The following HECW1 variants were observed in gnomAD, a reference collection of about 807,000 sequenced individuals.
HECW1 encodes HECT, C2 and WW domain containing E3 ubiquitin protein ligase 1.
A neutral mutation model predicts 182.3 loss-of-function variants in HECW1; 61 were observed. The observed-to-expected ratio is 0.33, with a 90% confidence interval of 0.27 to 0.41. The LOEUF is 0.41. Among genes scored for constraint, HECW1 ranks in the 10% least tolerant of loss-of-function variants. The probability of loss-of-function intolerance (pLI) is 1.00; values close to 1 mark genes in which losing one functional copy is unlikely to be tolerated. For synonymous variants in HECW1, 859 were observed against 832.6 expected (o/e 1.03, Z -0.55); for missense variants, 1,739 against 2,108.9 (o/e 0.82, Z 3.44).
At chr7:43,177,894 T>C (rs1792417306) in intron 2 of HECW1, among the ~76,000 whole-genome samples, 1 of 152,206 alleles carries the variant, frequency 6.6e-6, no homozygotes, top group Non-Finnish European at 1.5e-5. Flanking sequence ...TGTCTCCCTC[T>C]TCTGAATACT....
chr7:43,487,415 C>G (rs1223102503), intron 17 of HECW1, among the ~76,000 whole-genome samples: 4 of 152,128 alleles, frequency 2.6e-5, no homozygotes, highest in Admixed American at 6.5e-5. Flanking sequence ...AAAAGAAATC[C>G]TAAAAGTAGT....
At chr7:43,376,043 CAT>C (rs919377281) in intron 6 of HECW1, among the ~76,000 whole-genome samples, 2 of 143,382 alleles carry the variant, frequency 1.4e-5, no homozygotes, top group Non-Finnish European at 3.0e-5. Context: ...TATATACACA[CAT>C]ATATATACAC....
chr7:43,122,869 T>C (rs147778979), intron 2 of HECW1, among the ~76,000 whole-genome samples: 3 of 152,232 alleles, frequency 2.0e-5, no homozygotes, highest in African/African-American at 7.2e-5. Context: ...CACATGCATA[T>C]AATTTTTAAA....
At chr7:43,384,154 C>T (rs2074674810) in intron 6 of HECW1, among the ~76,000 whole-genome samples, 1 of 152,184 alleles carries the variant, frequency 6.6e-6, no homozygotes, top group Non-Finnish European at 1.5e-5. Flanking sequence ...TCACACAGTT[C>T]AAACCCATGT....
intron 29 of HECW1, 65 bp from the exon 30 acceptor site, chr7:43,561,750 C>T: frequency 2.7e-6 from 3 of 1,124,776 alleles, no homozygotes; most frequent in Non-Finnish European, 2.7e-6. Flanking sequence ...TTCAGACAGT[C>T]ACAGATCCAG....
At chr7:43,453,321 G>A (rs73098717) in intron 12 of HECW1, among the ~76,000 whole-genome samples, 22,574 of 152,142 alleles carry the variant, frequency 0.15, 1,936 homozygotes, top group South Asian at 0.24. Context: ...ATATTTTAAA[G>A]GTAGATTTGA....
intron 2 of HECW1, among the ~76,000 whole-genome samples, chr7:43,163,689 T>C (rs1233915474): frequency 6.6e-6 from 1 of 152,040 alleles, no homozygotes; most frequent in African/African-American, 2.4e-5. Context: ...TCAACTAAGC[T>C]CCCCCAAATG....
chr7:43,152,927 C>T (rs929572273), intron 2 of HECW1, among the ~76,000 whole-genome samples: 4 of 152,198 alleles, frequency 2.6e-5, no homozygotes, highest in Non-Finnish European at 5.9e-5. Context: ...TAATGTCCGT[C>T]ACTCCTCTTC....
chr7:43,338,840 T>C (rs1812615188), intron 5 of HECW1, among the ~76,000 whole-genome samples: 1 of 151,768 alleles, frequency 6.6e-6, no homozygotes, highest in Non-Finnish European at 1.5e-5. Flanking sequence ...AAAAAAAGAG[T>C]TCCCTTTAGT....
At chr7:43,493,217 T>C in intron 19 of HECW1, 37 bp downstream of exon 19, 1 of 1,391,156 alleles carries the variant, frequency 7.2e-7, no homozygotes, top group South Asian at 1.2e-5. Flanking sequence ...ACTCTAGGTC[T>C]TTCCAGCCAT....
intron 2 of HECW1, among the ~76,000 whole-genome samples, chr7:43,124,960 A>G (rs1786047900): frequency 6.6e-6 from 1 of 152,184 alleles, no homozygotes; most frequent in Admixed American, 6.5e-5. Flanking sequence ...TTGGGGTGTT[A>G]TACCAAATAC....
intron 2 of HECW1, among the ~76,000 whole-genome samples, chr7:43,158,681 C>T (rs951356674): frequency 1.4e-4 from 21 of 152,212 alleles, no homozygotes; most frequent in African/African-American, 5.1e-4. Flanking sequence ...TCCCCTCCCC[C>T]TTTCCATCTT....
At chr7:43,390,675 A>G (rs890605591) in intron 6 of HECW1, among the ~76,000 whole-genome samples, 13 of 152,140 alleles carry the variant, frequency 8.5e-5, no homozygotes, top group African/African-American at 3.1e-4. Flanking sequence ...GAGTTGGGGT[A>G]GTGAGTTCTG....
rs978153287 is a variant in HECW1, at chr7:43,243,167, C to T, written c.-31-708C>T. The stretch of plus-strand genomic sequence containing the variant: ...TGAGGTTATAAAATCAGAATAAAGA[C>T]GTATGAACCAAAACAATACCTGGAT... On this transcript the variant is annotated intron_variant, in intron 2 of 29. Coordinates refer to ENST00000395891, the MANE Select transcript of HECW1 (RefSeq NM_015052.5). This position sits in a 1 kb window ranked among gnomAD's most constrained non-coding sequence, Gnocchi z 4.0. Among the ~76,000 whole-genome samples the T allele has an allele frequency of 5.3e-5, 8 of 152,124 alleles. No individual in the cohort carries two copies. Among genetic ancestry groups the T allele is most frequent in the African/African-American group, 7.2e-5 (3 of 41,426 alleles).
In HECW1 at chr7:43,446,151, T is replaced by G. The variant is rs543748891; in HGVS notation, c.2398+581T>G. Among the ~76,000 whole-genome samples the G allele has an allele frequency of 3.1e-3, 431 of 139,670 alleles. 4 individuals carry two copies. The highest frequency in any genetic ancestry group is 0.011 in the African/African-American group (412 of 37,760). The allele number at this position is 139,670 out of a possible 152,430, so 91.6% of individuals were successfully genotyped here. ...CAATTCTTGTTATTACTGTTGGTTTTGTTTTGTTGTTGTTGTTGTTGTTGT... is the reference window on the plus strand; with the variant it reads ...CAATTCTTGTTATTACTGTTGGTTTGGTTTTGTTGTTGTTGTTGTTGTTGT... On this transcript the variant is annotated intron_variant, in intron 11 of 29. Transcript: ENST00000395891.
chr7:43,544,649 T>C (rs1379372161), intron 26 of HECW1, among the ~76,000 whole-genome samples: 1 of 152,198 alleles, frequency 6.6e-6, no homozygotes. Context: ...ATTACTAATA[T>C]ATTAGGATCT....
chr7:43,361,379 G>T (rs116992184), intron 6 of HECW1, among the ~76,000 whole-genome samples: 1 of 151,956 alleles, frequency 6.6e-6, no homozygotes, highest in Non-Finnish European at 1.5e-5. Context: ...TTTTAGTCTT[G>T]TAAATAAATT....
In HECW1 at chr7:43,386,983, C is replaced by T. The variant is rs375456433; in HGVS notation, c.556-9831C>T. Among the ~76,000 whole-genome samples the T allele has an allele frequency of 1.7e-4, 26 of 152,286 alleles. No homozygotes were observed. In the East Asian group the frequency reaches 3.5e-3, roughly 20 times the overall value. On this transcript the variant is annotated intron_variant, in intron 6 of 29. Coordinates refer to ENST00000395891, the MANE Select transcript of HECW1 (RefSeq NM_015052.5). ...CAGATGAGTGTGGCATGCCAGGCAACGCATTTGTTTTCCTGAGGTGTGTAT... is the reference window on the plus strand; with the variant it reads ...CAGATGAGTGTGGCATGCCAGGCAATGCATTTGTTTTCCTGAGGTGTGTAT...
chr7:43,333,142 C>T (rs1811702380), intron 5 of HECW1, among the ~76,000 whole-genome samples: 1 of 152,172 alleles, frequency 6.6e-6, no homozygotes, highest in African/African-American at 2.4e-5. Flanking sequence ...AGGAGTCATT[C>T]CTGGGGGCCT....
Sources: gnomAD v4.1 joint callset for allele counts (sites outside exome capture counted in the v4.1 genomes callset) on GRCh38, gnomAD v4.1.1 for gene constraint, Gnocchi (gnomAD v3.1) non-coding constraint, MANE v1.5 for transcripts, NCBI Gene and HGNC (gene_info 2026-07-23, HGNC 2026-07-21) for gene names.